The following ERBB4 variants were observed in gnomAD, a reference collection of about 807,000 sequenced individuals.
ERBB4 encodes receptor tyrosine-protein kinase erbB-4.
Under a neutral mutation model 158.0 loss-of-function variants are expected in ERBB4, and 42 were observed. That is an observed-to-expected ratio of 0.27 (90% CI 0.21 to 0.34). The LOEUF is 0.34. Ranked by LOEUF, ERBB4 falls within the 10% of genes least tolerant of loss-of-function variation. The pLI, the probability that ERBB4 is intolerant of heterozygous loss-of-function variation, is 1.00. For missense variants in ERBB4, 1,333 were observed against 1,624.1 expected (o/e 0.82, Z 3.08); for synonymous variants, 583 against 558.7 (o/e 1.04, Z -0.61).
chr2:212,073,445 C>G (rs1449311290), intron 2 of ERBB4, among the ~76,000 whole-genome samples: 2 of 151,982 alleles, frequency 1.3e-5, no homozygotes, highest in East Asian at 3.9e-4. Context: ...GACAGGGATT[C>G]TATGAGGCTG....
chr2:212,395,344 A>G (rs1235991674), intron 1 of ERBB4, among the ~76,000 whole-genome samples: 1 of 151,940 alleles, frequency 6.6e-6, no homozygotes, highest in Non-Finnish European at 1.5e-5. Context: ...TTTATATATT[A>G]TAATAATATT....
chr2:212,215,850 T>C (rs1380161013), intron 1 of ERBB4, among the ~76,000 whole-genome samples: 3 of 151,534 alleles, frequency 2.0e-5, no homozygotes, highest in South Asian at 2.1e-4. Context: ...GATTTATTAA[T>C]GTCCAAGGTT....
chr2:212,460,007 T>C (rs111358402), intron 1 of ERBB4, among the ~76,000 whole-genome samples: 3,542 of 152,118 alleles, frequency 0.023, 56 homozygotes, highest in African/African-American at 0.045. Flanking sequence ...ATCATGAGGG[T>C]AAGTCTTTCT....
At chr2:211,547,838 A>T (rs979239022) in intron 20 of ERBB4, among the ~76,000 whole-genome samples, 3 of 152,162 alleles carry the variant, frequency 2.0e-5, no homozygotes, top group Admixed American at 2.0e-4. Flanking sequence ...TACTTTCTGG[A>T]TGTGAATGGC....
rs187548773 is a variant in ERBB4, at chr2:211,614,674, C to A, written c.2301+4503G>T. ...TGTGAAAATGTTATAGAACAAAATA[C>A]CTTTTCAAATAATTTTATAAGCCTG... is the stretch of plus-strand genomic sequence containing the variant. On this transcript the variant is annotated intron_variant, in intron 19 of 27. Transcript: ENST00000342788. 4.4e-3 allele frequency among the ~76,000 whole-genome samples: 667 copies of A among 152,028 alleles called. 1 individual carries two copies. Among genetic ancestry groups the A allele is most frequent in the African/African-American group, 0.015 (627 of 41,508 alleles).
At chr2:211,782,357 A>C (rs990311910) in intron 4 of ERBB4, among the ~76,000 whole-genome samples, 2 of 152,310 alleles carry the variant, frequency 1.3e-5, no homozygotes, top group East Asian at 3.9e-4. Context: ...TATTGCAGTA[A>C]GTGATTAAAA....
At chr2:211,818,998 T>C (rs2076935853) in intron 3 of ERBB4, among the ~76,000 whole-genome samples, 1 of 152,140 alleles carries the variant, frequency 6.6e-6, no homozygotes, top group Non-Finnish European at 1.5e-5. Context: ...TGATTGTCTA[T>C]CAAATTTGAA....
chr2:211,862,886 G>A (rs1033447500), intron 3 of ERBB4, among the ~76,000 whole-genome samples: 2 of 152,152 alleles, frequency 1.3e-5, no homozygotes, highest in African/African-American at 2.4e-5. Flanking sequence ...CTATAGGATC[G>A]TAAATGCACC....
At chr2:211,432,204 C>T (rs917469153) in intron 20 of ERBB4, among the ~76,000 whole-genome samples, 3 of 152,122 alleles carry the variant, frequency 2.0e-5, no homozygotes, top group African/African-American at 7.2e-5. Flanking sequence ...ATGCTGTGGG[C>T]AGTTAACATT....
chr2:212,525,453 G>C (rs1692398398), intron 1 of ERBB4, among the ~76,000 whole-genome samples: 2 of 151,928 alleles, frequency 1.3e-5, no homozygotes, highest in African/African-American at 4.8e-5. Context: ...CAGTGAACTT[G>C]ATTATGGAGA....
intron 20 of ERBB4, among the ~76,000 whole-genome samples, chr2:211,559,154 T>C (rs990180199): frequency 6.6e-6 from 1 of 152,162 alleles, no homozygotes; most frequent in Non-Finnish European, 1.5e-5. Flanking sequence ...TCACCACTCA[T>C]AGCTAATCAA....
chr2:211,415,604 T>C, intron 25 of ERBB4, among the ~76,000 whole-genome samples: 1 of 151,136 alleles, frequency 6.6e-6, no homozygotes, highest in East Asian at 1.9e-4. Flanking sequence ...AATCTCATGG[T>C]TAATTACAGT....
Position 211,375,946 on chromosome 2 carries a change from A to G in ERBB4, c.*7669T>C, listed in dbSNP as rs1020073266. On this transcript the variant is annotated 3_prime_UTR_variant, in exon 28 of 28. Coordinates refer to ENST00000342788, the MANE Select transcript of ERBB4 (RefSeq NM_005235.3). ...ACTAACGGAAAAGCCTAATTACATA[A>G]ATGTAAAATACTGTTTCTCCCTCAT... 4.3e-6 allele frequency: 1 copy of G among 232,802 alleles called. No individual in the cohort carries two copies. The highest frequency in any genetic ancestry group is 1.8e-4 in the South Asian group (1 of 5,528). 14.4% of individuals were successfully genotyped at this position (232,802 alleles called of 1,614,324 possible). A position where few individuals can be genotyped will look rare whatever the true frequency, so the allele number is the denominator to read the frequency against.
intron 3 of ERBB4, among the ~76,000 whole-genome samples, chr2:211,794,565 T>C (rs1199847754): frequency 6.6e-6 from 1 of 151,932 alleles, no homozygotes; most frequent in African/African-American, 2.4e-5. Context: ...AAAAAATTAC[T>C]TGCTTAGTGA....
chr2:211,839,152 AAGGAGGAGGAGGAGGAGG>A (rs71409858), intron 3 of ERBB4, among the ~76,000 whole-genome samples: 14 of 110,902 alleles, frequency 1.3e-4, no homozygotes, highest in South Asian at 6.0e-4. Flanking sequence ...GGAGAGAGAG[AAGGAGGAGGAGGAGGAGG>A]AGGAGGAGGA....
At chr2:211,462,307 C>A (rs2064556832) in intron 20 of ERBB4, among the ~76,000 whole-genome samples, 1 of 152,038 alleles carries the variant, frequency 6.6e-6, no homozygotes, top group Admixed American at 6.6e-5. Context: ...CAATCACTTC[C>A]CACCAGGCCC....
chr2:212,299,098 G>A (rs983059472), intron 1 of ERBB4, among the ~76,000 whole-genome samples: 1 of 151,608 alleles, frequency 6.6e-6, no homozygotes, highest in Non-Finnish European at 1.5e-5. Flanking sequence ...TGTGAGCTAA[G>A]TATTATAATT....
At chr2:212,145,226 C>T (rs898597718) in intron 1 of ERBB4, among the ~76,000 whole-genome samples, 15 of 152,090 alleles carry the variant, frequency 9.9e-5, no homozygotes, top group African/African-American at 1.9e-4. Context: ...AGACAGTTTT[C>T]GCAAGCCACA....
intron 4 of ERBB4, among the ~76,000 whole-genome samples, chr2:211,767,640 G>A (rs936777132): frequency 6.6e-6 from 1 of 152,150 alleles, no homozygotes; most frequent in African/African-American, 2.4e-5. Context: ...ATGGTGGTAG[G>A]AAGGATAAGA....
Sources: gnomAD v4.1 joint callset for allele counts (sites outside exome capture counted in the v4.1 genomes callset) on GRCh38, gnomAD v4.1.1 for gene constraint, MANE v1.5 for transcripts, NCBI Gene and HGNC (gene_info 2026-07-23, HGNC 2026-07-21) for gene names.